The following RBFOX1 variants were observed in gnomAD, a reference collection of about 807,000 sequenced individuals.
RBFOX1 encodes RNA binding fox-1 homolog 1.
In RBFOX1, 8 loss-of-function variants were observed where a neutral mutation model predicts 57.7. That is an observed-to-expected ratio of 0.14 (90% CI 0.08 to 0.25). The LOEUF (loss-of-function observed/expected upper bound fraction) is 0.25. RBFOX1 is among the 10% of genes least tolerant of loss of function. The pLI, the probability that RBFOX1 is intolerant of heterozygous loss-of-function variation, is 1.00. For missense variants in RBFOX1, 611 were observed against 548.5 expected, an observed-to-expected ratio of 1.11 and a Z score of -1.14; for synonymous variants, 326 against 222.4, an observed-to-expected ratio of 1.47 and a Z score of -4.15.
At chr16:6,361,574 GC>G (rs1463617100) in intron 2 of RBFOX1, among the ~76,000 whole-genome samples, 3 of 151,206 alleles carry the variant, frequency 2.0e-5, no homozygotes, top group African/African-American at 7.3e-5. Flanking sequence ...GTTGCAGTGA[GC>G]CAAGATCGCG....
intron 1 of RBFOX1, among the ~76,000 whole-genome samples, chr16:6,043,718 G>A (rs532536289): frequency 6.6e-6 from 1 of 152,134 alleles, no homozygotes; most frequent in Non-Finnish European, 1.5e-5. Flanking sequence ...CTTTTCCCAG[G>A]AAGCCAGTAT....
At chr16:7,520,770 A>T (rs988157727) in intron 5 of RBFOX1, among the ~76,000 whole-genome samples, 1 of 152,214 alleles carries the variant, frequency 6.6e-6, no homozygotes, top group African/African-American at 2.4e-5. Context: ...TTTGTTGGCT[A>T]TTTTGTGACA....
chr16:7,571,781 T>C (rs1185495007), intron 5 of RBFOX1, among the ~76,000 whole-genome samples: 1 of 152,004 alleles, frequency 6.6e-6, no homozygotes, highest in East Asian at 1.9e-4. Flanking sequence ...TCCTGCAGCC[T>C]TTCCTGTTTG....
In RBFOX1 at chr16:7,300,794, C is replaced by T. The variant is rs561637105; in HGVS notation, c.28-217353C>T. ...AAATTAAAACTTGGGTAGTTGCCTT[C>T]TGCCTAAGGAAGTTTCATTTGAAGA... On this transcript the variant is annotated intron_variant, in intron 4 of 15. Transcript: ENST00000550418. Among the ~76,000 whole-genome samples, 17 of 152,296 alleles carry T rather than the reference C, an allele frequency of 1.1e-4. No homozygotes were observed. In the East Asian group the frequency reaches 3.3e-3, roughly 29 times the overall value.
chr16:7,192,602 A>C (rs919218720), intron 4 of RBFOX1, among the ~76,000 whole-genome samples: 2 of 152,194 alleles, frequency 1.3e-5, no homozygotes, highest in African/African-American at 2.4e-5. Flanking sequence ...ACACACGAAA[A>C]GGGGGCCAAA....
At chr16:7,416,907 T>C (rs981078983) in intron 4 of RBFOX1, among the ~76,000 whole-genome samples, 1 of 152,108 alleles carries the variant, frequency 6.6e-6, no homozygotes, top group Non-Finnish European at 1.5e-5. Flanking sequence ...GTCCTTATTA[T>C]CCACATTTTA....
intron 3 of RBFOX1, among the ~76,000 whole-genome samples, chr16:5,638,558 A>G (rs1460924584): frequency 6.6e-6 from 1 of 152,174 alleles, no homozygotes; most frequent in Non-Finnish European, 1.5e-5. Flanking sequence ...TGGGGCCTAA[A>G]GGAAGGGTGG....
intron 1 of RBFOX1, among the ~76,000 whole-genome samples, chr16:6,174,874 C>T (rs2096991610): frequency 6.6e-6 from 1 of 152,120 alleles, no homozygotes; most frequent in African/African-American, 2.4e-5. Context: ...GTTGGGAGGT[C>T]ATTTGACACC....
chr16:7,498,938 A>G (rs1350354139), intron 4 of RBFOX1, among the ~76,000 whole-genome samples: 1 of 152,160 alleles, frequency 6.6e-6, no homozygotes, highest in Admixed American at 6.5e-5. Flanking sequence ...AGGTGTCACA[A>G]CATCCTTAGC....
intron 3 of RBFOX1, among the ~76,000 whole-genome samples, chr16:5,845,035 G>A (rs975840130): frequency 2.6e-5 from 4 of 151,186 alleles, no homozygotes; most frequent in African/African-American, 4.9e-5. Context: ...AGCATTTAGG[G>A]AAAGGAAAGC....
chr16:5,852,829 C>G (rs562675989), intron 3 of RBFOX1, among the ~76,000 whole-genome samples: 1 of 152,040 alleles, frequency 6.6e-6, no homozygotes, highest in South Asian at 2.1e-4. Flanking sequence ...AACTCCATCT[C>G]TAAGGGGAAA....
chr16:6,555,924 T>C (rs1050416535), intron 2 of RBFOX1, among the ~76,000 whole-genome samples: 1 of 152,132 alleles, frequency 6.6e-6, no homozygotes, highest in African/African-American at 2.4e-5. Context: ...ATCATAGGCA[T>C]TCGGAATATA....
chr16:5,396,593 G>C (rs1192126086), intron 1 of RBFOX1, among the ~76,000 whole-genome samples: 1 of 152,114 alleles, frequency 6.6e-6, no homozygotes, highest in Non-Finnish European at 1.5e-5. Flanking sequence ...AGTGAGCTGA[G>C]ATCACGCCAT....
chr16:5,941,481 T>A (rs1398158707), intron 4 of RBFOX1, among the ~76,000 whole-genome samples: 1 of 149,632 alleles, frequency 6.7e-6, no homozygotes, highest in Non-Finnish European at 1.5e-5. Flanking sequence ...CAAAGCAAGA[T>A]CTTATCTCAA....
intron 3 of RBFOX1, among the ~76,000 whole-genome samples, chr16:5,700,116 G>A (rs1199743171): frequency 6.6e-6 from 1 of 152,218 alleles, no homozygotes; most frequent in Non-Finnish European, 1.5e-5. Flanking sequence ...ACAGGCGTGA[G>A]CCACCATGCC....
intron 1 of RBFOX1, among the ~76,000 whole-genome samples, chr16:5,241,481 A>T (rs2062165923): frequency 6.6e-6 from 1 of 152,200 alleles, no homozygotes; most frequent in Admixed American, 6.5e-5. Flanking sequence ...AATGCAGTGG[A>T]GTGACCAAGT....
At chr16:5,568,847 G>A (rs2046167615) in intron 2 of RBFOX1, among the ~76,000 whole-genome samples, 2 of 150,922 alleles carry the variant, frequency 1.3e-5, no homozygotes, top group African/African-American at 4.9e-5. Flanking sequence ...GGTTCTTTTT[G>A]TTGTTGTTGT....
chr16:6,757,669 G>A (rs967402965), intron 3 of RBFOX1, among the ~76,000 whole-genome samples: 2 of 152,086 alleles, frequency 1.3e-5, no homozygotes, highest in African/African-American at 4.8e-5. Context: ...TGGGATGAGG[G>A]GAGGCTGATT....
chr16:5,503,692 C>T lies in RBFOX1; in HGVS notation c.258+36438C>T, dbSNP rs1173670068. Reference sequence around the variant, plus strand: ...CTCCTGACCTGAGGTGATCCATCTGCCTCGGCCTCCCAAAGTGCTGGTATT... The same window carrying T: ...CTCCTGACCTGAGGTGATCCATCTGTCTCGGCCTCCCAAAGTGCTGGTATT... On this transcript the variant is annotated intron_variant, in intron 2 of 2. Transcript: ENST00000585867. 5.9e-5 allele frequency among the ~76,000 whole-genome samples: 9 copies of T among 152,272 alleles called. No homozygotes were observed. In the East Asian group the frequency reaches 1.7e-3, roughly 29 times the overall value.
Sources: allele counts gnomAD v4.1 joint callset (sites outside exome capture counted in the v4.1 genomes callset), GRCh38; gene constraint gnomAD v4.1.1; transcripts MANE v1.5; gene names NCBI Gene and HGNC (gene_info 2026-07-23, HGNC 2026-07-21).